The following WDR33 variants were observed in gnomAD, a reference collection of about 807,000 sequenced individuals.
WDR33 encodes the protein pre-mRNA 3' end processing protein WDR33.
Under a neutral mutation model 164.9 loss-of-function variants are expected in WDR33, and 47 were observed. The ratio of observed to expected loss-of-function variants is 0.29; its 90% CI spans 0.23 to 0.36. The LOEUF is 0.36. Among genes scored for constraint, WDR33 ranks in the 10% least tolerant of loss-of-function variants. WDR33 has a pLI of 1.00. For missense variants in WDR33, 1,137 were observed against 1,754.1 expected (o/e 0.65, Z 6.28); for synonymous variants, 505 against 589.0 (o/e 0.86, Z 2.06).
chr2:127,758,004 T>G (rs1687569940), intron 7 of WDR33, among the ~76,000 whole-genome samples: 1 of 152,194 alleles, frequency 6.6e-6, no homozygotes, highest in Non-Finnish European at 1.5e-5. Flanking sequence ...TCATTTCCAT[T>G]CCATTAGTAT....
intron 8 of WDR33, among the ~76,000 whole-genome samples, chr2:127,725,554 T>C (rs958041555): frequency 6.6e-6 from 1 of 151,996 alleles, no homozygotes; most frequent in African/African-American, 2.4e-5. Context: ...GCCAACATGG[T>C]GAAACCCAGA....
Position 127,709,955 on chromosome 2 carries a change from A to G in WDR33, c.3309-99T>C. ...ATATGATATGAGAAAGCATGATACA[A>G]TGTTAATTGGGAGGAAAACAAAATA... On this transcript the variant is annotated intron_variant, in intron 18 of 21. Coordinates refer to ENST00000322313, the MANE Select transcript of WDR33 (RefSeq NM_018383.5). This position sits in a 1 kb window ranked among gnomAD's most constrained non-coding sequence, Gnocchi z 5.0. 1 of 1,411,392 alleles carries G rather than the reference A, an allele frequency of 7.1e-7. No homozygotes were observed. The highest frequency in any genetic ancestry group is 2.2e-5 in the Admixed American group (1 of 44,724). The allele number at this position is 1,411,392 out of a possible 1,614,324, so 87.4% of individuals were successfully genotyped here. A position where few individuals can be genotyped will look rare whatever the true frequency, so the allele number is the denominator to read the frequency against.
In WDR33 at chr2:127,719,506, G is replaced by A. The variant is rs1417804122; in HGVS notation, c.2519C>T (p.Pro840Leu). ...AGGTCCCAGCATTGATCCTTGGGGT[G>A]GAGGCCCCTGCATGCCTCGGATCTC... ...PQEIRGMQGP[P>L]PQGSMLGPPQ... The change falls in exon 16 of 22, where the codon CCA becomes CTA. Residue 840 changes from proline to leucine, a missense_variant. Physicochemically the swap from Pro to Leu is moderately conservative, Grantham distance 98. Around this residue, in one of 9 missense-constraint regions of WDR33, gnomAD observed 867 missense variants for 1,073.0 expected, o/e 0.81. Coordinates refer to ENST00000322313, the MANE Select transcript of WDR33 (RefSeq NM_018383.5). This position sits in a 1 kb window ranked among gnomAD's most constrained non-coding sequence, Gnocchi z 6.5. The A allele has an allele frequency of 1.4e-5, 23 of 1,612,648 alleles. No individual in the cohort carries two copies. Among genetic ancestry groups the A allele is most frequent in the African/African-American group, 6.7e-5 (5 of 74,842 alleles).
chr2:127,729,188 A>G (rs766329097), intron 7 of WDR33, among the ~76,000 whole-genome samples: 8 of 152,248 alleles, frequency 5.3e-5, no homozygotes, highest in Non-Finnish European at 1.2e-4. Context: ...CGTTATTCTA[A>G]GCGAAGTATG....
rs1685966993 is a variant in WDR33 at position 127,704,586 on chromosome 2, G to A, written c.*1737C>T. 6.0e-6 allele frequency: 1 copy of A among 166,994 alleles called. No homozygotes were observed. The highest frequency in any genetic ancestry group is 1.9e-4 in the East Asian group (1 of 5,184). The allele number at this position is 166,994 out of a possible 1,614,324, so 10.3% of individuals were successfully genotyped here. A position where few individuals can be genotyped will look rare whatever the true frequency, so the allele number is the denominator to read the frequency against. ...CTCCTAATAGCATGTTTATGGTGGA[G>A]CGCTGATTAAATAAGCTGTAATTTC... On this transcript the variant is annotated 3_prime_UTR_variant, in exon 22 of 22. Coordinates refer to ENST00000322313, the MANE Select transcript of WDR33 (RefSeq NM_018383.5).
chr2:127,789,845 T>TC (rs911644203), intron 1 of WDR33, among the ~76,000 whole-genome samples: 2 of 151,504 alleles, frequency 1.3e-5, no homozygotes, highest in African/African-American at 4.9e-5. Flanking sequence ...TAAAAAAAAA[T>TC]TTTTTTTTGA....
chr2:127,771,435 C>T (rs1398158357), intron 1 of WDR33, among the ~76,000 whole-genome samples: 1 of 152,100 alleles, frequency 6.6e-6, no homozygotes, highest in Non-Finnish European at 1.5e-5. Flanking sequence ...TCTTATGAGA[C>T]CACCATCATA....
In WDR33 at chr2:127,764,675, T is replaced by C. The variant is rs775789338; in HGVS notation, c.626+153A>G. 2 of 1,586,516 alleles carry C rather than the reference T, an allele frequency of 1.3e-6. No individual in the cohort carries two copies. The highest frequency in any genetic ancestry group is 1.4e-5 in the African/African-American group (1 of 73,902). ...AGAAAGGTGCCAGCAAAATGGTGAA[T>C]GTGTGAAAACAAAGAAAAATATTGT... On this transcript the variant is annotated intron_variant, in intron 6 of 21. Coordinates refer to ENST00000322313, the MANE Select transcript of WDR33 (RefSeq NM_018383.5). This position sits in a 1 kb window ranked among gnomAD's most constrained non-coding sequence, Gnocchi z 6.2.
intron 7 of WDR33, chr2:127,737,046 T>C (rs1686865751): frequency 2.0e-6 from 2 of 985,454 alleles, no homozygotes; most frequent in South Asian, 4.7e-5. Flanking sequence ...TCTTCAGTTA[T>C]AATAACCAGA....
chr2:127,801,655 T>C (rs568138461), intron 1 of WDR33, among the ~76,000 whole-genome samples: 1 of 152,164 alleles, frequency 6.6e-6, no homozygotes, highest in East Asian at 1.9e-4. Flanking sequence ...AGCGGAGGCA[T>C]GTGCATCACT....
In WDR33 at chr2:127,723,410, T is replaced by A; in HGVS notation, c.1197-63A>T. On this transcript the variant is annotated intron_variant, in intron 11 of 21. Coordinates refer to ENST00000322313, the MANE Select transcript of WDR33 (RefSeq NM_018383.5). The surrounding 1 kb of genome is among the most constrained non-coding windows in gnomAD (Gnocchi z 5.9). ...CACTATTTTTTTGGGCACTAAACAGTACTAGGCAGACCCTTGGTAAACACA... is the reference window on the plus strand; with the variant it reads ...CACTATTTTTTTGGGCACTAAACAGAACTAGGCAGACCCTTGGTAAACACA... 7.8e-7 allele frequency: 1 copy of A among 1,287,034 alleles called. No homozygotes were observed. The highest frequency in any genetic ancestry group is 1.1e-6 in the Non-Finnish European group (1 of 896,988). The allele number at this position is 1,287,034 out of a possible 1,614,324, so 79.7% of individuals were successfully genotyped here.
chr2:127,706,434 A>G lies in WDR33; in HGVS notation c.3900T>C (p.Ser1300=). The part of the protein sequence containing the change: ...RDEPFGGPPG[S]GTPSRGGRSG... Reference sequence around the variant, plus strand: ...TCCGGCCCCCTCGAGAAGGGGTGCCACTGCCTGGAGGGCCCCCAAAAGGTT... The same window carrying G: ...TCCGGCCCCCTCGAGAAGGGGTGCCGCTGCCTGGAGGGCCCCCAAAAGGTT... Residue 1300 remains serine (S), a synonymous_variant, in exon 22 of 22, where the codon AGT becomes AGC. Coordinates refer to ENST00000322313, the MANE Select transcript of WDR33 (RefSeq NM_018383.5). The surrounding 1 kb of genome is among the most constrained non-coding windows in gnomAD (Gnocchi z 5.1). 2.5e-6 allele frequency: 4 copies of G among 1,613,408 alleles called. No individual in the cohort carries two copies. Among genetic ancestry groups the G allele is most frequent in the Non-Finnish European group, 3.4e-6 (4 of 1,179,734 alleles).
chr2:127,711,167 G>A (rs1197704957), intron 18 of WDR33, among the ~76,000 whole-genome samples: 1 of 152,190 alleles, frequency 6.6e-6, no homozygotes, highest in South Asian at 2.1e-4. Context: ...GCTCACACCT[G>A]TAATCCCAGC....
chr2:127,701,109 C>CCCATTCTGTGTACCCTTTA lies in WDR33; in HGVS notation c.*5213_*5214insTAAAGGGTACACAGAATGG, dbSNP rs1685867030. Reference sequence around the variant, plus strand: ...CAAGAGAGATTCTGTGTACCCTTTACCCATTCCTCCATGTTGCAAAACTAG... The same window carrying CCCATTCTGTGTACCCTTTA: ...CAAGAGAGATTCTGTGTACCCTTTACCCATTCTGTGTACCCTTTACCATTCCTCCATGTTGCAAAACTAG... On this transcript the variant is annotated 3_prime_UTR_variant, in exon 22 of 22. Transcript: ENST00000322313. 6.4e-6 allele frequency: 1 copy of CCCATTCTGTGTACCCTTTA among 156,478 alleles called. No individual in the cohort carries two copies. Among genetic ancestry groups the CCCATTCTGTGTACCCTTTA allele is most frequent in the South Asian group, 2.1e-4 (1 of 4,872 alleles). The allele number at this position is 156,478 out of a possible 1,614,324, so 9.7% of individuals were successfully genotyped here.
intron 1 of WDR33, among the ~76,000 whole-genome samples, chr2:127,808,998 T>A (rs1689537650): frequency 7.7e-6 from 1 of 130,136 alleles, no homozygotes. Flanking sequence ...GCCACTGCAC[T>A]CCAGCCTGGG....
At chr2:127,711,926 C>T (rs1457925594) in intron 18 of WDR33, among the ~76,000 whole-genome samples, 1 of 150,900 alleles carries the variant, frequency 6.6e-6, no homozygotes, top group Non-Finnish European at 1.5e-5. Flanking sequence ...GCACGCACCA[C>T]CATGCCCGGC....
chr2:127,762,803 A>G (rs1687716929), intron 7 of WDR33: 1 of 1,269,700 alleles, frequency 7.9e-7, no homozygotes, highest in African/African-American at 1.5e-5. Flanking sequence ...TAAAAGATGC[A>G]TACAGATAAG....
chr2:127,746,426 A>T (rs562638906), intron 7 of WDR33, among the ~76,000 whole-genome samples: 1 of 152,232 alleles, frequency 6.6e-6, no homozygotes, highest in Non-Finnish European at 1.5e-5. Context: ...TAAGTAAAAT[A>T]TGTTATTTTC....
At position 127,713,548 on chromosome 2, in the gene WDR33, G is replaced by C. The variant is rs1395464441; in HGVS notation, c.3308+35C>G. ...GAGACAGCAGATAAAAAGCTCCACTGAAGATGGAATGGGCCCACAAAGTAT... is the reference window on the plus strand; with the variant it reads ...GAGACAGCAGATAAAAAGCTCCACTCAAGATGGAATGGGCCCACAAAGTAT... On this transcript the variant is annotated intron_variant, in intron 18 of 21. Transcript: ENST00000322313. The surrounding 1 kb of genome is among the most constrained non-coding windows in gnomAD (Gnocchi z 6.2). The C allele has an allele frequency of 1.9e-6, 3 of 1,605,050 alleles. No homozygotes were observed. In the African/African-American group the frequency reaches 4.0e-5, roughly 22 times the overall value.
Sources: gnomAD v4.1 joint callset for allele counts (sites outside exome capture counted in the v4.1 genomes callset) on GRCh38, gnomAD v4.1.1 for gene constraint, gnomAD v4.1.1 regional missense constraint, Gnocchi (gnomAD v3.1) non-coding constraint, MANE v1.5 for transcripts, NCBI Gene and HGNC (gene_info 2026-07-23, HGNC 2026-07-21) for gene names.